The following XIRP2 variants were observed in gnomAD, a reference collection of about 807,000 sequenced individuals.
XIRP2 encodes xin actin-binding repeat-containing protein 2.
A neutral mutation model predicts 277.0 loss-of-function variants in XIRP2; 236 were observed. The ratio of observed to expected loss-of-function variants is 0.85; its 90% CI spans 0.77 to 0.95. The LOEUF is 0.95. XIRP2 is among the 40% of genes least tolerant of loss of function. The pLI is 0.00. For synonymous variants in XIRP2, 1,490 were observed against 1,416.5 expected (o/e 1.05, Z -1.17); for missense variants, 4,640 against 4,157.5 (o/e 1.12, Z -3.19).
intron 2 of XIRP2, among the ~76,000 whole-genome samples, chr2:167,014,882 T>A (rs568005964): frequency 6.6e-6 from 1 of 151,944 alleles, no homozygotes; most frequent in Admixed American, 6.6e-5. Flanking sequence ...GGGGCTGGGA[T>A]TTGTGTATCC....
chr2:167,133,465 G>C (rs1691444823), intron 2 of XIRP2, among the ~76,000 whole-genome samples: 1 of 152,134 alleles, frequency 6.6e-6, no homozygotes. Context: ...CGTACAAGAT[G>C]CACTCTTGAT....
In XIRP2 at chr2:167,245,979, T is replaced by C. The variant is rs778505870; in HGVS notation, c.4587T>C (p.Phe1529=). 6.2e-6 allele frequency: 10 copies of C among 1,613,352 alleles called. No homozygotes were observed. The East Asian group carries it at 2.2e-4, about 36-fold the overall frequency. ...ATGTCAAAACAACCACATGGCTCTT[T>C]GAAACAACACCACTTCATGAATTTA... ...PSDVKTTTWL[F]ETTPLHEFNE... is the part of the protein sequence containing the mutation. The change falls in exon 9 of 11, where the codon TTT becomes TTC. Residue 1529 remains phenylalanine (F), a synonymous_variant. Transcript: ENST00000409195.
intron 2 of XIRP2, among the ~76,000 whole-genome samples, chr2:166,979,343 CCTTTTCTTTT>C (rs770470679): frequency 5.6e-4 from 80 of 143,062 alleles, no homozygotes; most frequent in South Asian, 2.9e-3. Context: ...GGCTGTGTTT[CCTTTTCTTTT>C]CTTTTCTTTT....
intron 2 of XIRP2, among the ~76,000 whole-genome samples, chr2:166,979,369 CT>C (rs66909002): frequency 0.3 from 32,144 of 108,262 alleles, 3,374 homozygotes; most frequent in East Asian, 0.41. Context: ...CTTTTCTTTT[CT>C]TTTTTTTTTT....
intron 2 of XIRP2, among the ~76,000 whole-genome samples, chr2:166,914,086 G>C (rs115197343): frequency 1.1e-3 from 163 of 152,298 alleles, no homozygotes; most frequent in African/African-American, 3.7e-3. Flanking sequence ...AATTATCCCA[G>C]ATGAAAACTG....
chr2:167,167,946 A>AT (rs1337976285), intron 3 of XIRP2, among the ~76,000 whole-genome samples: 1 of 152,010 alleles, frequency 6.6e-6, no homozygotes, highest in Admixed American at 6.6e-5. Context: ...AAATTTCCTC[A>AT]TTTTTTTAAA....
intron 2 of XIRP2, among the ~76,000 whole-genome samples, chr2:167,099,456 T>C (rs1690426888): frequency 6.6e-6 from 1 of 152,150 alleles, no homozygotes; most frequent in Middle Eastern, 3.4e-3. Context: ...TCTGTGGTGG[T>C]GGGATCAACT....
intron 3 of XIRP2, among the ~76,000 whole-genome samples, chr2:167,182,535 T>C (rs16853164): frequency 6.6e-6 from 1 of 152,122 alleles, no homozygotes; most frequent in Non-Finnish European, 1.5e-5. Context: ...GTAGTGCTTG[T>C]ATAGAACTTT....
At chr2:167,020,311 A>AT (rs1468146782) in intron 2 of XIRP2, among the ~76,000 whole-genome samples, 1 of 152,028 alleles carries the variant, frequency 6.6e-6, no homozygotes, top group Non-Finnish European at 1.5e-5. Flanking sequence ...ATATGTTTAT[A>AT]TACTATTAAA....
intron 3 of XIRP2, among the ~76,000 whole-genome samples, chr2:167,208,346 G>T (rs1693918410): frequency 6.6e-6 from 1 of 152,020 alleles, no homozygotes; most frequent in Non-Finnish European, 1.5e-5. Flanking sequence ...TCGCTCTGTC[G>T]CCCAGGCTGG....
intron 2 of XIRP2, among the ~76,000 whole-genome samples, chr2:166,943,584 C>T (rs1168976690): frequency 1.3e-5 from 2 of 152,150 alleles, no homozygotes; most frequent in East Asian, 3.9e-4. Context: ...CATGGAATTC[C>T]ACTCCACCTC....
rs907977027 is a variant in XIRP2, at chr2:167,009,285, T to C, written c.408+105395T>C. Reference sequence around the variant, plus strand: ...GTGTCCATGTGTTCTCATTGTTCAATTCCCACCTATGAGTGAGAATATGTG... The same window carrying C: ...GTGTCCATGTGTTCTCATTGTTCAACTCCCACCTATGAGTGAGAATATGTG... On this transcript the variant is annotated intron_variant, in intron 2 of 10. Coordinates refer to ENST00000409195, the MANE Select transcript of XIRP2 (RefSeq NM_152381.6). Among the ~76,000 whole-genome samples the C allele has an allele frequency of 1.3e-4, 19 of 142,886 alleles. 1 individual carries two copies. The highest frequency in any genetic ancestry group is 4.7e-4 in the African/African-American group (18 of 38,666). 93.7% of individuals were successfully genotyped at this position (142,886 alleles called of 152,430 possible).
chr2:167,078,076 C>T (rs969259950), intron 2 of XIRP2, among the ~76,000 whole-genome samples: 7 of 152,092 alleles, frequency 4.6e-5, no homozygotes, highest in African/African-American at 1.7e-4. Flanking sequence ...GGCAGTGTGG[C>T]CATTTCAATA....
At chr2:166,996,159 C>T (rs1160726689) in intron 2 of XIRP2, among the ~76,000 whole-genome samples, 1 of 152,040 alleles carries the variant, frequency 6.6e-6, no homozygotes, top group African/African-American at 2.4e-5. Flanking sequence ...TAGGAGAGTT[C>T]CTGGTACATA....
intron 5 of XIRP2, among the ~76,000 whole-genome samples, chr2:167,228,809 A>G (rs1664000944): frequency 6.6e-6 from 1 of 152,176 alleles, no homozygotes. Context: ...CATTTACCCC[A>G]ATTATTCAAG....
intron 2 of XIRP2, among the ~76,000 whole-genome samples, chr2:167,021,514 A>G (rs917841559): frequency 2.0e-5 from 3 of 152,042 alleles, no homozygotes; most frequent in East Asian, 3.9e-4. Context: ...ACCTTTTTTA[A>G]AAATATGGGT....
At chr2:167,176,321 G>A (rs891941574) in intron 3 of XIRP2, among the ~76,000 whole-genome samples, 15 of 152,022 alleles carry the variant, frequency 9.9e-5, no homozygotes, top group African/African-American at 1.4e-4. Flanking sequence ...CTCGCCCTCC[G>A]TGGGCTGCAC....
chr2:167,191,654 T>G (rs1238129257), intron 3 of XIRP2, among the ~76,000 whole-genome samples: 1 of 152,208 alleles, frequency 6.6e-6, no homozygotes, highest in Non-Finnish European at 1.5e-5. Flanking sequence ...TTACAAAGCA[T>G]GTAAATTTGT....
At chr2:167,081,951 T>TC (rs1409730736) in intron 2 of XIRP2, among the ~76,000 whole-genome samples, 1 of 145,984 alleles carries the variant, frequency 6.9e-6, no homozygotes, top group African/African-American at 2.8e-5. Flanking sequence ...ATTTTCTTTT[T>TC]TTTTATTATT....
Sources: gnomAD v4.1 joint callset for allele counts (sites outside exome capture counted in the v4.1 genomes callset) on GRCh38, gnomAD v4.1.1 for gene constraint, MANE v1.5 for transcripts, NCBI Gene and HGNC (gene_info 2026-07-23, HGNC 2026-07-21) for gene names.